EYS: variants seen among roughly 807,000 people sequenced by gnomAD.
EYS encodes EGF-like photoreceptor maintenance factor.
In EYS, 250 loss-of-function variants were observed where a neutral mutation model predicts 282.1. The ratio of observed to expected loss-of-function variants is 0.89; its 90% confidence interval spans 0.80 to 0.98. EYS has a LOEUF of 0.98. EYS is among the 50% of genes least tolerant of loss of function. The pLI is 0.00. For synonymous variants in EYS, 1,355 were observed against 1,282.9 expected (o/e 1.06, Z -1.20); for missense variants, 4,016 against 3,709.0 (o/e 1.08, Z -2.15).
chr6:64,821,236 C>T (rs1213998846), intron 21 of EYS, among the ~76,000 whole-genome samples: 1 of 151,904 alleles, frequency 6.6e-6, no homozygotes, highest in Non-Finnish European at 1.5e-5. Context: ...TTTATATTCT[C>T]CTTGTGATAT....
chr6:64,699,244 G>A (rs1770697447), intron 22 of EYS, among the ~76,000 whole-genome samples: 1 of 152,072 alleles, frequency 6.6e-6, no homozygotes, highest in Non-Finnish European at 1.5e-5. Flanking sequence ...AATACCACAT[G>A]TTCTTTCTTA....
intron 16 of EYS, among the ~76,000 whole-genome samples, chr6:64,906,261 A>G (rs1379175726): frequency 6.6e-6 from 1 of 151,842 alleles, no homozygotes; most frequent in East Asian, 1.9e-4. Flanking sequence ...TTTAACATCT[A>G]TTTTTAAAGT....
intron 15 of EYS, among the ~76,000 whole-genome samples, chr6:64,925,473 G>A (rs1434705405): frequency 6.6e-6 from 1 of 152,140 alleles, no homozygotes; most frequent in Non-Finnish European, 1.5e-5. Flanking sequence ...TGCCTGGTGT[G>A]TCAGCAGGCC....
At chr6:64,778,484 G>C (rs749861772) in intron 22 of EYS, among the ~76,000 whole-genome samples, 1 of 152,082 alleles carries the variant, frequency 6.6e-6, no homozygotes, top group African/African-American at 2.4e-5. Context: ...TTGTCACACA[G>C]GTCTACCCAG....
chr6:63,788,607 C>CTGTTT (rs148808326), intron 38 of EYS, among the ~76,000 whole-genome samples: 1,829 of 152,262 alleles, frequency 0.012, 29 homozygotes, highest in African/African-American at 0.042. Flanking sequence ...ACCCACCTTC[C>CTGTTT]TAAGTAGCTC....
chr6:63,960,297 A>T (rs1766002382), intron 35 of EYS, among the ~76,000 whole-genome samples: 1 of 152,200 alleles, frequency 6.6e-6, no homozygotes, highest in Admixed American at 6.5e-5. Flanking sequence ...CAAGAGAACT[A>T]GAATTAGAAA....
intron 19 of EYS, among the ~76,000 whole-genome samples, chr6:64,883,917 C>A (rs1474465451): frequency 6.6e-6 from 1 of 151,458 alleles, no homozygotes; most frequent in East Asian, 1.9e-4. Context: ...AAATAGTCAA[C>A]TTTGTAAATG....
At chr6:63,753,142 A>ATATATATATATATATATATG (rs1199625757) in intron 41 of EYS, among the ~76,000 whole-genome samples, 3 of 8,142 alleles carry the variant, frequency 3.7e-4, no homozygotes, top group African/African-American at 9.9e-4. Context: ...GTGTGTGTGT[A>ATATATATATATATATATATG]TATATATATA....
At chr6:65,612,885 T>C (rs1342753287) in intron 2 of EYS, among the ~76,000 whole-genome samples, 1 of 151,812 alleles carries the variant, frequency 6.6e-6, no homozygotes, top group Admixed American at 6.6e-5. Flanking sequence ...TTTTTACTTA[T>C]TTTACTTTTT....
intron 29 of EYS, among the ~76,000 whole-genome samples, chr6:64,320,383 C>G (rs1230150047): frequency 1.3e-5 from 2 of 151,718 alleles, no homozygotes; most frequent in Non-Finnish European, 2.9e-5. Flanking sequence ...TTTTTCCCCA[C>G]CATTTTATAT....
At chr6:64,464,753 C>T (rs1233986444) in intron 26 of EYS, among the ~76,000 whole-genome samples, 2 of 151,952 alleles carry the variant, frequency 1.3e-5, no homozygotes, top group Non-Finnish European at 2.9e-5. Context: ...CAAATAACTA[C>T]ATTGCTATAA....
At position 64,571,648 on chromosome 6, in the gene EYS, G is replaced by A. The variant is rs764297519; in HGVS notation, c.5644+18575C>T. Among the ~76,000 whole-genome samples the A allele has an allele frequency of 1.7e-4, 26 of 151,942 alleles. No individual in the cohort carries two copies. In the East Asian group the frequency reaches 1.9e-3, roughly 11 times the overall value. ...ACTACCATCAGAGAATGCTATAAACGTCTCTATGCAAATAAACTATAAAAT... is the reference window on the plus strand; with the variant it reads ...ACTACCATCAGAGAATGCTATAAACATCTCTATGCAAATAAACTATAAAAT... On this transcript the variant is annotated intron_variant, in intron 26 of 42. Coordinates refer to ENST00000503581, the MANE Select transcript of EYS (RefSeq NM_001142800.2).
intron 35 of EYS, among the ~76,000 whole-genome samples, chr6:63,904,422 A>T (rs1022819861): frequency 3.3e-5 from 5 of 152,286 alleles, no homozygotes; most frequent in Admixed American, 1.3e-4. Context: ...AGCTCCCAAG[A>T]TTAGCAGTTT....
At position 64,639,505 on chromosome 6, in the gene EYS, C is replaced by A. The variant is rs9353995; in HGVS notation, c.3444-13260G>T. Among the ~76,000 whole-genome samples, 12 of 90,798 alleles carry A rather than the reference C, an allele frequency of 1.3e-4. 5 individuals carry two copies. The East Asian group carries it at 2.9e-3, about 22-fold the overall frequency. 59.6% of individuals were successfully genotyped at this position (90,798 alleles called of 152,430 possible). A position where few individuals can be genotyped will look rare whatever the true frequency, so the allele number is the denominator to read the frequency against. ...CGTTTTGCAGCTTTTAGTGAAAAGGCATTGCATGGGAGGCCCTTATGCTAA... is the reference window on the plus strand; with the variant it reads ...CGTTTTGCAGCTTTTAGTGAAAAGGAATTGCATGGGAGGCCCTTATGCTAA... On this transcript the variant is annotated intron_variant, in intron 22 of 42. Transcript: ENST00000503581.
chr6:64,526,189 T>C (rs760187108), intron 26 of EYS, among the ~76,000 whole-genome samples: 3 of 151,606 alleles, frequency 2.0e-5, no homozygotes, highest in Non-Finnish European at 1.5e-5. Flanking sequence ...AGGAGAGAGC[T>C]AGGGGTGGGA....
chr6:65,384,915 G>T (rs955450928), intron 7 of EYS, among the ~76,000 whole-genome samples: 1 of 151,884 alleles, frequency 6.6e-6, no homozygotes, highest in Admixed American at 6.6e-5. Context: ...ACAGGATAGA[G>T]TGCCAGTGGA....
At chr6:65,600,743 G>A (rs1044970317) in intron 2 of EYS, among the ~76,000 whole-genome samples, 1 of 151,760 alleles carries the variant, frequency 6.6e-6, no homozygotes, top group Admixed American at 6.6e-5. Context: ...AATTATGTTA[G>A]TTGCATGAAA....
rs1214237756 is a variant in EYS, at chr6:65,246,451, A to G, written c.2023+49412T>C. Among the ~76,000 whole-genome samples, 3 of 152,190 alleles carry G rather than the reference A, an allele frequency of 2.0e-5. No homozygotes were observed. The South Asian group carries it at 6.2e-4, about 32-fold the overall frequency. On this transcript the variant is annotated intron_variant, in intron 12 of 42. Coordinates refer to ENST00000503581, the MANE Select transcript of EYS (RefSeq NM_001142800.2). ...CATGTCTTATGGTATGCCAGAGGAC[A>G]AAATCAAATTAAGAGAACTTTATTT... is the stretch of plus-strand genomic sequence containing the variant.
At chr6:63,839,679 A>T (rs1420926505) in intron 36 of EYS, among the ~76,000 whole-genome samples, 2 of 152,112 alleles carry the variant, frequency 1.3e-5, no homozygotes, top group African/African-American at 4.8e-5. Flanking sequence ...TCCAGTAAAC[A>T]CGAGAAGTGC....
Sources: allele counts gnomAD v4.1 joint callset (sites outside exome capture counted in the v4.1 genomes callset), GRCh38; gene constraint gnomAD v4.1.1; transcripts MANE v1.5; gene names NCBI Gene and HGNC (gene_info 2026-07-23, HGNC 2026-07-21).